The following TGFB2 variants were observed in gnomAD, a reference collection of about 807,000 sequenced individuals.
The protein encoded by TGFB2 is transforming growth factor beta-2 proprotein.
TGFB2 carries 13 observed loss-of-function variants against 42.7 expected under a neutral mutation model. The observed-to-expected ratio is 0.30, with a 90% CI of 0.20 to 0.48. TGFB2 has a LOEUF of 0.48. Among genes scored for constraint, TGFB2 ranks in the 20% least tolerant of loss-of-function variants. The probability of loss-of-function intolerance (pLI) is 0.99; values close to 1 mark genes in which losing one functional copy is unlikely to be tolerated. For synonymous variants in TGFB2, 193 were observed against 193.6 expected (o/e 1.00, Z 0.03); for missense variants, 390 against 517.5 (o/e 0.75, Z 2.39).
intron 1 of TGFB2, among the ~76,000 whole-genome samples, chr1:218,372,044 G>A (rs566314651): frequency 1.2e-4 from 19 of 152,222 alleles, no homozygotes; most frequent in South Asian, 1.0e-3. Context: ...GTCCCTGAGC[G>A]TGCTAGGTAG....
intron 4 of TGFB2, among the ~76,000 whole-genome samples, chr1:218,435,380 C>G (rs1464724240): frequency 6.6e-6 from 1 of 152,146 alleles, no homozygotes; most frequent in Admixed American, 6.5e-5. Flanking sequence ...TTCTAAATCT[C>G]AGATGGAATC....
chr1:218,430,050 G>C (rs563791683), intron 2 of TGFB2, among the ~76,000 whole-genome samples: 4 of 152,070 alleles, frequency 2.6e-5, no homozygotes, highest in Non-Finnish European at 4.4e-5. Flanking sequence ...TGGTTACTCT[G>C]GCCAGTTAAG....
chr1:218,384,647 A>G (rs1037377033), intron 1 of TGFB2, among the ~76,000 whole-genome samples: 1 of 152,206 alleles, frequency 6.6e-6, no homozygotes, highest in African/African-American at 2.4e-5. Flanking sequence ...TTGGCCCTGT[A>G]CATATTGAGA....
intron 1 of TGFB2, among the ~76,000 whole-genome samples, chr1:218,352,514 G>A (rs1221989571): frequency 6.6e-6 from 1 of 152,126 alleles, no homozygotes; most frequent in African/African-American, 2.4e-5. Flanking sequence ...ATATGTTAGG[G>A]GATTCTTTGA....
intron 6 of TGFB2, among the ~76,000 whole-genome samples, chr1:218,439,619 G>C (rs1196011895): frequency 6.6e-6 from 1 of 152,034 alleles, no homozygotes; most frequent in Non-Finnish European, 1.5e-5. Context: ...TGGCACTCGG[G>C]GGCGACCGTG....
chr1:218,370,325 G>C lies in TGFB2; in HGVS notation c.346+23278G>C, dbSNP rs557020166. 5.3e-5 allele frequency among the ~76,000 whole-genome samples: 8 copies of C among 152,260 alleles called. No homozygotes were observed. In the South Asian group the frequency reaches 1.7e-3, roughly 32 times the overall value. On this transcript the variant is annotated intron_variant, in intron 1 of 6. Transcript: ENST00000366930. ...GCTTATGTTTTCTGGAAGGAGATTT[G>C]CCCCTTCATGTAATTTCTTTCTCTG...
chr1:218,369,984 AT>A (rs1322548554), intron 1 of TGFB2, among the ~76,000 whole-genome samples: 1 of 152,156 alleles, frequency 6.6e-6, no homozygotes, highest in African/African-American at 2.4e-5. Context: ...TGTTGGTGTT[AT>A]TTCTTCATCC....
intron 1 of TGFB2, among the ~76,000 whole-genome samples, chr1:218,375,407 C>CAT (rs1553295838): frequency 5.7e-5 from 8 of 140,316 alleles, no homozygotes; most frequent in Non-Finnish European, 1.2e-4. Context: ...CCTTTCTGAA[C>CAT]TTTTTTTTTT....
At chr1:218,381,974 C>T (rs938097176) in intron 1 of TGFB2, among the ~76,000 whole-genome samples, 1 of 152,164 alleles carries the variant, frequency 6.6e-6, no homozygotes, top group African/African-American at 2.4e-5. Flanking sequence ...GTTTTACTTT[C>T]ATCATCTCTC....
rs1656710721 is a variant in TGFB2, at chr1:218,347,049, T to G, written c.346+2T>G. On this transcript the variant is annotated splice_donor_variant, in intron 1 of 6. Coordinates refer to ENST00000366930, the MANE Select transcript of TGFB2 (RefSeq NM_003238.6). LOFTEE classifies it high-confidence loss of function. Reference sequence around the variant, plus strand: ...TGCCGCCCTTCTTCCCCTCCGAAAGTAAGTACTTATTTTGACTTCCATCCC... The same window carrying G: ...TGCCGCCCTTCTTCCCCTCCGAAAGGAAGTACTTATTTTGACTTCCATCCC... 1 of 1,568,170 alleles carries G rather than the reference T, an allele frequency of 6.4e-7. No homozygotes were observed. Among genetic ancestry groups the G allele is most frequent in the Non-Finnish European group, 8.6e-7 (1 of 1,156,198 alleles).
intron 1 of TGFB2, among the ~76,000 whole-genome samples, chr1:218,349,009 A>G (rs973240861): frequency 6.6e-6 from 1 of 152,210 alleles, no homozygotes; most frequent in African/African-American, 2.4e-5. Context: ...GGTCATGGTC[A>G]TCAACAAACT....
At chr1:218,393,453 A>G (rs531776102) in intron 1 of TGFB2, among the ~76,000 whole-genome samples, 20 of 152,336 alleles carry the variant, frequency 1.3e-4, no homozygotes, top group Admixed American at 7.8e-4. Flanking sequence ...AAAGGAATCA[A>G]CACAGGCCGG....
intron 1 of TGFB2, among the ~76,000 whole-genome samples, chr1:218,376,625 T>G (rs1462139779): frequency 6.6e-6 from 1 of 152,170 alleles, no homozygotes; most frequent in African/African-American, 2.4e-5. Flanking sequence ...AAGCCTCAGT[T>G]TCTTATCCCC....
chr1:218,377,233 T>G (rs1281587727), intron 1 of TGFB2, among the ~76,000 whole-genome samples: 2 of 152,154 alleles, frequency 1.3e-5, no homozygotes, highest in African/African-American at 4.8e-5. Flanking sequence ...TAGAACAACG[T>G]GTATTTCTTA....
chr1:218,409,854 A>C (rs994159331), intron 2 of TGFB2, among the ~76,000 whole-genome samples: 4 of 152,152 alleles, frequency 2.6e-5, no homozygotes, highest in African/African-American at 9.7e-5. Context: ...GGTCGTTTAC[A>C]TGGTTGTTTG....
chr1:218,370,716 C>T (rs1345886018), intron 1 of TGFB2, among the ~76,000 whole-genome samples: 1 of 152,174 alleles, frequency 6.6e-6, no homozygotes, highest in East Asian at 1.9e-4. Context: ...GGCTCTGTTC[C>T]ATGAGCTCTT....
At chr1:218,367,428 G>A (rs1357798998) in intron 1 of TGFB2, among the ~76,000 whole-genome samples, 1 of 152,196 alleles carries the variant, frequency 6.6e-6, no homozygotes, top group East Asian at 1.9e-4. Context: ...AACCTATTAA[G>A]AAGCAAAGTT....
At chr1:218,412,906 G>A (rs1162817995) in intron 2 of TGFB2, among the ~76,000 whole-genome samples, 1 of 152,112 alleles carries the variant, frequency 6.6e-6, no homozygotes, top group African/African-American at 2.4e-5. Flanking sequence ...GATGTATTAG[G>A]TTCATACATC....
chr1:218,395,615 T>TC (rs1332368602), intron 1 of TGFB2, among the ~76,000 whole-genome samples: 1 of 150,766 alleles, frequency 6.6e-6, no homozygotes, highest in African/African-American at 2.4e-5. Flanking sequence ...CTTTTTCTTT[T>TC]TTTTTTTTTT....
Sources: gnomAD v4.1 joint callset for allele counts (sites outside exome capture counted in the v4.1 genomes callset) on GRCh38, gnomAD v4.1.1 for gene constraint, MANE v1.5 for transcripts, NCBI Gene and HGNC (gene_info 2026-07-23, HGNC 2026-07-21) for gene names.